WWOX: variants seen among roughly 807,000 people sequenced by gnomAD.
WWOX encodes the protein WW domain containing oxidoreductase.
WWOX carries 69 observed loss-of-function variants against 46.2 expected under a neutral mutation model. That is an observed-to-expected ratio of 1.49 (90% confidence interval 1.23 to 1.82). The LOEUF is 1.82. WWOX is among the 40% of genes most tolerant of loss of function. The pLI is 0.00. For synonymous variants in WWOX, 359 were observed against 202.6 expected, an observed-to-expected ratio of 1.77 and a Z score of -6.56; for missense variants, 919 against 542.6, an observed-to-expected ratio of 1.69 and a Z score of -6.89.
chr16:79,043,876 T>C (rs2048018273), intron 8 of WWOX, among the ~76,000 whole-genome samples: 1 of 152,218 alleles, frequency 6.6e-6, no homozygotes, highest in Non-Finnish European at 1.5e-5. Context: ...ACCTCTGGCC[T>C]CCAAGGCCAG....
chr16:78,396,701 T>C (rs1597161091), intron 6 of WWOX, among the ~76,000 whole-genome samples: 1 of 152,376 alleles, frequency 6.6e-6, no homozygotes, highest in East Asian at 1.9e-4. Flanking sequence ...GCAAAGTTTT[T>C]CTGCAAAGAA....
chr16:78,871,584 C>G (rs1408582526), intron 8 of WWOX, among the ~76,000 whole-genome samples: 2 of 152,136 alleles, frequency 1.3e-5, no homozygotes, highest in South Asian at 2.1e-4. Flanking sequence ...TAAATTGAGG[C>G]TTACTAGGAA....
At chr16:78,440,773 C>T (rs1172458702) in intron 8 of WWOX, among the ~76,000 whole-genome samples, 1 of 151,716 alleles carries the variant, frequency 6.6e-6, no homozygotes, top group Non-Finnish European at 1.5e-5. Context: ...CACTGGCCAC[C>T]AAACCCAGCT....
intron 8 of WWOX, among the ~76,000 whole-genome samples, chr16:78,506,103 G>A (rs1215896474): frequency 6.6e-6 from 1 of 152,094 alleles, no homozygotes; most frequent in African/African-American, 2.4e-5. Context: ...AGCAGGGGCT[G>A]CCTGGAGAAG....
At chr16:78,174,351 T>C (rs2035262667) in intron 5 of WWOX, among the ~76,000 whole-genome samples, 1 of 152,078 alleles carries the variant, frequency 6.6e-6, no homozygotes, top group African/African-American at 2.4e-5. Context: ...ATCATGAGAA[T>C]AGCATGGGAA....
At chr16:78,680,148 G>A (rs549391684) in intron 8 of WWOX, among the ~76,000 whole-genome samples, 5 of 152,350 alleles carry the variant, frequency 3.3e-5, no homozygotes, top group South Asian at 2.1e-4. Flanking sequence ...GGCGGCTCAC[G>A]CCTGTAATCC....
chr16:78,782,040 A>C (rs2050340102), intron 8 of WWOX, among the ~76,000 whole-genome samples: 1 of 151,958 alleles, frequency 6.6e-6, no homozygotes, highest in Non-Finnish European at 1.5e-5. Context: ...ATTTTGGTGA[A>C]CTCTCTGTCT....
chr16:78,818,936 C>A (rs1047031865), intron 8 of WWOX, among the ~76,000 whole-genome samples: 1 of 152,136 alleles, frequency 6.6e-6, no homozygotes, highest in East Asian at 1.9e-4. Flanking sequence ...AGACTTGCAC[C>A]CTGATTTCTG....
In WWOX at chr16:78,450,695, C is replaced by T. The variant is rs529019565; in HGVS notation, c.1056+17943C>T. 4.6e-5 allele frequency among the ~76,000 whole-genome samples: 7 copies of T among 152,170 alleles called. No individual in the cohort carries two copies. In the East Asian group the frequency reaches 1.2e-3, roughly 25 times the overall value. ...TTTTTGATCTTAGAACATAACATTTCTTGTTGGCTATTGTGTGTGCTATGT... is the reference window on the plus strand; with the variant it reads ...TTTTTGATCTTAGAACATAACATTTTTTGTTGGCTATTGTGTGTGCTATGT... On this transcript the variant is annotated intron_variant, in intron 8 of 8. Transcript: ENST00000566780.
At chr16:78,563,521 TTTTTTTTTTTTC>T (rs2044490500) in intron 8 of WWOX, among the ~76,000 whole-genome samples, 1 of 149,510 alleles carries the variant, frequency 6.7e-6, no homozygotes, top group African/African-American at 2.5e-5. Flanking sequence ...ACACACGCTT[TTTTTTTTTTTTC>T]TTTTTTTTTT....
chr16:78,984,782 T>G (rs1171453310), intron 8 of WWOX, among the ~76,000 whole-genome samples: 2 of 152,164 alleles, frequency 1.3e-5, no homozygotes, highest in African/African-American at 4.8e-5. Flanking sequence ...CTCTGTGGTG[T>G]CTGTGGATCG....
At position 78,310,117 on chromosome 16, in the gene WWOX, C is replaced by T. The variant is rs150646135; in HGVS notation, c.517-76743C>T. On this transcript the variant is annotated intron_variant, in intron 5 of 8. Transcript: ENST00000566780. ...TATCATCATCCATAGCTCTCTTGCC[C>T]CATTGTTTTAAACCCATCTGTTTTT... is the stretch of plus-strand genomic sequence containing the variant. 1.5e-3 allele frequency among the ~76,000 whole-genome samples: 235 copies of T among 152,028 alleles called. 1 individual carries two copies. The highest frequency in any genetic ancestry group is 3.0e-3 in the Non-Finnish European group (201 of 67,990).
intron 8 of WWOX, among the ~76,000 whole-genome samples, chr16:78,650,572 A>G (rs1210183478): frequency 2.6e-4 from 39 of 152,314 alleles, no homozygotes; most frequent in Non-Finnish European, 1.5e-5. Context: ...TTTTTCATGT[A>G]TAGGTTATTC....
At chr16:79,183,346 G>C (rs1167167511) in intron 8 of WWOX, among the ~76,000 whole-genome samples, 1 of 152,186 alleles carries the variant, frequency 6.6e-6, no homozygotes, top group Admixed American at 6.5e-5. Flanking sequence ...TGAGAGGAGG[G>C]AGGGACACAA....
At chr16:79,209,001 G>A (rs2051618677) in intron 8 of WWOX, among the ~76,000 whole-genome samples, 1 of 152,222 alleles carries the variant, frequency 6.6e-6, no homozygotes, top group Non-Finnish European at 1.5e-5. Context: ...GATTTTTGGA[G>A]TAGAGAAGGT....
chr16:78,521,481 G>A (rs896506914), intron 8 of WWOX, among the ~76,000 whole-genome samples: 1 of 152,128 alleles, frequency 6.6e-6, no homozygotes, highest in South Asian at 2.1e-4. Flanking sequence ...ATATTCCAAC[G>A]CCAGTACCTG....
At chr16:79,202,147 G>A (rs1275120708) in intron 8 of WWOX, among the ~76,000 whole-genome samples, 2 of 152,182 alleles carry the variant, frequency 1.3e-5, no homozygotes, top group African/African-American at 2.4e-5. Context: ...TAGCAGAGTT[G>A]AGTGATCGTG....
At chr16:78,917,420 T>A (rs1396673983) in intron 8 of WWOX, among the ~76,000 whole-genome samples, 1 of 152,160 alleles carries the variant, frequency 6.6e-6, no homozygotes. Flanking sequence ...TGACCTGCAT[T>A]CGTGTAGGAA....
rs571807469 is a variant in WWOX, at chr16:78,987,729, G to T, written c.1057-223879G>T. ...AATTCATTTCGCGCTAATGAGAGTT[G>T]CGATATGTCGGCCCAAACTCTCTGT... On this transcript the variant is annotated intron_variant, in intron 8 of 8. Coordinates refer to ENST00000566780, the MANE Select transcript of WWOX (RefSeq NM_016373.4). Among the ~76,000 whole-genome samples, 3 of 152,300 alleles carry T rather than the reference G, an allele frequency of 2.0e-5. No homozygotes were observed. In the East Asian group the frequency reaches 5.8e-4, roughly 29 times the overall value.
Sources: gnomAD v4.1 joint callset for allele counts (sites outside exome capture counted in the v4.1 genomes callset) on GRCh38, gnomAD v4.1.1 for gene constraint, MANE v1.5 for transcripts, NCBI Gene and HGNC (gene_info 2026-07-23, HGNC 2026-07-21) for gene names.